The following RHOJ variants were observed in gnomAD, a reference collection of about 807,000 sequenced individuals.
RHOJ encodes ras homolog family member J, also known as rho-related GTP-binding protein RhoJ.
In RHOJ, 11 loss-of-function variants were observed where a neutral mutation model predicts 23.4. The observed-to-expected ratio is 0.47, with a 90% CI of 0.30 to 0.78. The LOEUF is 0.78. Ranked by LOEUF, RHOJ falls within the 30% of genes least tolerant of loss-of-function variation. The pLI is 0.08. For missense variants in RHOJ, 254 were observed against 273.4 expected (o/e 0.93, Z 0.50); for synonymous variants, 102 against 102.7 (o/e 0.99, Z 0.04).
intron 1 of RHOJ, among the ~76,000 whole-genome samples, chr14:63,256,917 C>T (rs1470449225): frequency 6.6e-6 from 1 of 151,894 alleles, no homozygotes; most frequent in East Asian, 1.9e-4. Context: ...ACTAACAATA[C>T]AAAAATTAGC....
At chr14:63,263,402 G>A (rs1038514899) in intron 1 of RHOJ, among the ~76,000 whole-genome samples, 6 of 152,276 alleles carry the variant, frequency 3.9e-5, no homozygotes, top group African/African-American at 1.2e-4. Context: ...AAGGACTCAC[G>A]AAGCCATGAC....
At chr14:63,216,192 A>G (rs1894352793) in intron 1 of RHOJ, among the ~76,000 whole-genome samples, 1 of 152,236 alleles carries the variant, frequency 6.6e-6, no homozygotes, top group African/African-American at 2.4e-5. Context: ...TTAGCTAGGC[A>G]TAAAGTTGTT....
At chr14:63,276,717 TC>T (rs1217483715) in intron 2 of RHOJ, among the ~76,000 whole-genome samples, 1 of 152,186 alleles carries the variant, frequency 6.6e-6, no homozygotes, top group African/African-American at 2.4e-5. Context: ...CAGACTTCTC[TC>T]ACCTGCCCCA....
At chr14:63,250,382 G>A (rs1354755634) in intron 1 of RHOJ, among the ~76,000 whole-genome samples, 1 of 152,060 alleles carries the variant, frequency 6.6e-6, no homozygotes. Context: ...GGAACTACAG[G>A]TACATGCCAC....
At chr14:63,211,504 T>C (rs1006640502) in intron 1 of RHOJ, among the ~76,000 whole-genome samples, 85 of 152,204 alleles carry the variant, frequency 5.6e-4, no homozygotes, top group African/African-American at 1.9e-3. Context: ...TGTTCTTATT[T>C]ACTTATAGAG....
intron 1 of RHOJ, among the ~76,000 whole-genome samples, chr14:63,209,757 TTAGA>T (rs911940318): frequency 2.6e-5 from 4 of 152,162 alleles, no homozygotes; most frequent in African/African-American, 7.2e-5. Flanking sequence ...CTTCCAACAC[TTAGA>T]TAGTTTCTGG....
At chr14:63,288,139 T>G (rs1489634894) in intron 4 of RHOJ, 1 of 976,896 alleles carries the variant, frequency 1.0e-6, no homozygotes, top group Non-Finnish European at 1.2e-6. Flanking sequence ...AATGTCATAT[T>G]AACTCAGTTA....
At chr14:63,252,125 T>C (rs748303968) in intron 1 of RHOJ, among the ~76,000 whole-genome samples, 2 of 152,118 alleles carry the variant, frequency 1.3e-5, no homozygotes, top group African/African-American at 2.4e-5. Context: ...TGTGTTTCAC[T>C]AGACTCAAAT....
At chr14:63,268,133 C>T (rs935357867) in intron 1 of RHOJ, among the ~76,000 whole-genome samples, 1 of 152,210 alleles carries the variant, frequency 6.6e-6, no homozygotes, top group African/African-American at 2.4e-5. Context: ...ATCATCTTCA[C>T]ACTGAATTTG....
At chr14:63,214,999 G>C (rs1894323877) in intron 1 of RHOJ, among the ~76,000 whole-genome samples, 1 of 152,148 alleles carries the variant, frequency 6.6e-6, no homozygotes, top group African/African-American at 2.4e-5. Context: ...GGATCTTTGG[G>C]GTGGTTTTGA....
At position 63,261,083 on chromosome 14, in the gene RHOJ, C is replaced by G. The variant is rs143657737; in HGVS notation, c.179-8027C>G. 1.7e-3 allele frequency among the ~76,000 whole-genome samples: 266 copies of G among 152,330 alleles called. 1 individual carries two copies. The highest frequency in any genetic ancestry group is 5.8e-3 in the African/African-American group (241 of 41,592). On this transcript the variant is annotated intron_variant, in intron 1 of 4. Transcript: ENST00000316754. ...TCCAGCAGTGTGAAGTGTCCACATTCACCAGCACTGGGTATTTCTTCTCTT... is the reference window on the plus strand; with the variant it reads ...TCCAGCAGTGTGAAGTGTCCACATTGACCAGCACTGGGTATTTCTTCTCTT...
At position 63,281,070 on chromosome 14, in the gene RHOJ, G is replaced by A; in HGVS notation, c.337G>A (p.Glu113Lys). 6.2e-7 allele frequency: 1 copy of A among 1,614,140 alleles called. No homozygotes were observed. The highest frequency in any genetic ancestry group is 8.5e-7 in the Non-Finnish European group (1 of 1,180,012). ...VNPASYHNVQEEWVPELKDCM... is the reference protein window; with the variant it reads ...VNPASYHNVQKEWVPELKDCM... The stretch of plus-strand genomic sequence containing the variant: ...CCCTGCCTCTTACCACAATGTCCAG[G>A]AGGAATGGGTCCCCGAGCTCAAGGA... The change falls in exon 3 of 5, where the codon GAG (glutamate) becomes AAG (lysine). Residue 113 changes from glutamate (E) to lysine (K), a missense_variant. Glu to Lys is a moderately conservative substitution (Grantham distance 56). Transcript: ENST00000316754.
intron 1 of RHOJ, among the ~76,000 whole-genome samples, chr14:63,245,790 T>G (rs967173441): frequency 3.9e-5 from 6 of 152,198 alleles, no homozygotes; most frequent in Non-Finnish European, 8.8e-5. Flanking sequence ...GCAAAAATCC[T>G]TAACTAACCA....
intron 1 of RHOJ, among the ~76,000 whole-genome samples, chr14:63,268,246 C>G (rs1392922404): frequency 2.6e-5 from 4 of 152,012 alleles, no homozygotes; most frequent in Non-Finnish European, 4.4e-5. Flanking sequence ...TTTGCTCTTT[C>G]CTTTCACGAA....
At chr14:63,254,266 G>C (rs1431472725) in intron 1 of RHOJ, among the ~76,000 whole-genome samples, 10 of 152,026 alleles carry the variant, frequency 6.6e-5, no homozygotes, top group African/African-American at 2.2e-4. Flanking sequence ...CAACAACTGG[G>C]TCTCCTGGCA....
intron 2 of RHOJ, among the ~76,000 whole-genome samples, chr14:63,277,072 T>A (rs1398166883): frequency 6.6e-6 from 1 of 152,218 alleles, no homozygotes; most frequent in African/African-American, 2.4e-5. Context: ...AAATGCTTAA[T>A]CTGTCACTTT....
Position 63,293,349 on chromosome 14 carries a change from C to T in RHOJ, c.*2325C>T, listed in dbSNP as rs77673930. 6.7e-4 allele frequency: 102 copies of T among 152,284 alleles called. No homozygotes were observed. Among genetic ancestry groups the T allele is most frequent in the African/African-American group, 2.4e-3 (100 of 41,530 alleles). The allele number at this position is 152,284 out of a possible 1,614,324, so 9.4% of individuals were successfully genotyped here. A position where few individuals can be genotyped will look rare whatever the true frequency, so the allele number is the denominator to read the frequency against. ...AACAGGCAAATAGCTCCCGAGGTCACCACTTCCCTAATGGGCCACAGGAAG... is the reference window on the plus strand; with the variant it reads ...AACAGGCAAATAGCTCCCGAGGTCATCACTTCCCTAATGGGCCACAGGAAG... On this transcript the variant is annotated 3_prime_UTR_variant, in exon 5 of 5. Coordinates refer to ENST00000316754, the MANE Select transcript of RHOJ (RefSeq NM_020663.5).
At chr14:63,245,137 C>T (rs1422131704) in intron 1 of RHOJ, among the ~76,000 whole-genome samples, 1 of 152,058 alleles carries the variant, frequency 6.6e-6, no homozygotes, top group Non-Finnish European at 1.5e-5. Flanking sequence ...AATATTAAAC[C>T]CAAAGTGTTT....
At chr14:63,289,541 C>T (rs1266216225) in intron 4 of RHOJ, among the ~76,000 whole-genome samples, 1 of 152,238 alleles carries the variant, frequency 6.6e-6, no homozygotes, top group Admixed American at 6.5e-5. Flanking sequence ...AAACTAAAGT[C>T]ATTTCTCCAG....
Sources: gnomAD v4.1 joint callset for allele counts (sites outside exome capture counted in the v4.1 genomes callset) on GRCh38, gnomAD v4.1.1 for gene constraint, MANE v1.5 for transcripts, NCBI Gene and HGNC (gene_info 2026-07-23, HGNC 2026-07-21) for gene names.